SLC26A11: variants seen among roughly 807,000 people sequenced by gnomAD.
SLC26A11 encodes the protein solute carrier family 26 member 11.
Under a neutral mutation model 62.2 loss-of-function variants are expected in SLC26A11, and 58 were observed. The ratio of observed to expected loss-of-function variants is 0.93; its 90% CI spans 0.76 to 1.16. The LOEUF (loss-of-function observed/expected upper bound fraction) is 1.16, where lower values mean the gene tolerates loss of function less well. Ranked by LOEUF, SLC26A11 falls within the 50% of genes most tolerant of loss-of-function variation. The probability of loss-of-function intolerance (pLI) is 0.00; values close to 1 mark genes in which losing one functional copy is unlikely to be tolerated. For missense variants in SLC26A11, 790 were observed against 794.3 expected, an observed-to-expected ratio of 0.99 and a Z score of 0.06; for synonymous variants, 411 against 368.9, an observed-to-expected ratio of 1.11 and a Z score of -1.31.
intron 1 of SLC26A11, 106 bp downstream of exon 1, chr17:80,220,602 C>G: frequency 2.8e-6 from 1 of 352,418 alleles, no homozygotes. Context: ...GCGCGGAGTC[C>G]TGAAGTGCGG....
At chr17:80,226,997 G>A (rs1481268211) in intron 6 of SLC26A11, among the ~76,000 whole-genome samples, 4 of 152,190 alleles carry the variant, frequency 2.6e-5, no homozygotes, top group Non-Finnish European at 4.4e-5. Flanking sequence ...GGCAGGGGTC[G>A]GCCAGATGGG....
chr17:80,233,201 A>T (rs1306761799), intron 7 of SLC26A11, among the ~76,000 whole-genome samples: 4 of 151,556 alleles, frequency 2.6e-5, no homozygotes, highest in Non-Finnish European at 5.9e-5. Context: ...GTGAGCCAAG[A>T]TCCGTCACTG....
At chr17:80,231,516 C>A (rs2144905981) in intron 7 of SLC26A11, among the ~76,000 whole-genome samples, 1 of 152,230 alleles carries the variant, frequency 6.6e-6, no homozygotes, top group Middle Eastern at 3.4e-3. Flanking sequence ...TGAGACCTTT[C>A]TTCTTTTCTA....
At chr17:80,236,458 G>C (rs939962819) in intron 7 of SLC26A11, among the ~76,000 whole-genome samples, 2 of 152,238 alleles carry the variant, frequency 1.3e-5, no homozygotes, top group Non-Finnish European at 2.9e-5. Flanking sequence ...GGCAGCCGGC[G>C]GGGCAGTGAT....
chr17:80,250,414 C>T (rs1481676040), intron 16 of SLC26A11, among the ~76,000 whole-genome samples: 1 of 152,186 alleles, frequency 6.6e-6, no homozygotes, highest in Non-Finnish European at 1.5e-5. Context: ...TGCCCACGGT[C>T]ACACAGGATG....
intron 14 of SLC26A11, 92 bp from the exon 15 acceptor site, chr17:80,248,483 T>TGGGAC: frequency 7.2e-7 from 1 of 1,386,470 alleles, no homozygotes; most frequent in South Asian, 1.3e-5. Flanking sequence ...TGCAGCACAC[T>TGGGAC]AGGTTGGGTG....
intron 9 of SLC26A11, among the ~76,000 whole-genome samples, chr17:80,240,707 G>A (rs1033747403): frequency 5.3e-5 from 8 of 151,848 alleles, no homozygotes; most frequent in Non-Finnish European, 1.2e-4. Flanking sequence ...GGAGGCTAAG[G>A]CAGGAGAATC....
rs2042476380 is a variant in SLC26A11 at position 80,228,500 on chromosome 17, C to T, written c.736+540C>T. Among the ~76,000 whole-genome samples the T allele has an allele frequency of 6.6e-6, 1 of 152,216 alleles. No individual in the cohort carries two copies. The highest frequency in any genetic ancestry group is 2.1e-4 in the South Asian group (1 of 4,830). ...TCTGATGCAGGGTCAGAGCTGAGAA[C>T]TGATGCATGGCCAGCTGTGGCCGTT... On this transcript the variant is annotated intron_variant, in intron 7 of 17. Transcript: ENST00000361193. The surrounding 1 kb of genome is among the most constrained non-coding windows in gnomAD (Gnocchi z 4.1).
At chr17:80,249,919 G>A (rs892739534) in intron 16 of SLC26A11, among the ~76,000 whole-genome samples, 6 of 151,186 alleles carry the variant, frequency 4.0e-5, no homozygotes, top group Non-Finnish European at 7.4e-5. Context: ...ACAAACAAAC[G>A]AAAAAAAACA....
chr17:80,233,142 G>C (rs1283182104), intron 7 of SLC26A11, among the ~76,000 whole-genome samples: 3 of 151,916 alleles, frequency 2.0e-5, no homozygotes, highest in African/African-American at 7.3e-5. Context: ...CCAGCTACTG[G>C]GGAGGCTGAG....
chr17:80,223,434 GC>G lies in SLC26A11; in HGVS notation c.513+99del. 1 of 1,110,972 alleles carries G rather than the reference GC, an allele frequency of 9.0e-7. No homozygotes were observed. 68.8% of individuals were successfully genotyped at this position (1,110,972 alleles called of 1,614,324 possible). A position where few individuals can be genotyped will look rare whatever the true frequency, so the allele number is the denominator to read the frequency against. ...ACTGAGGCCAGTCCTGATCCCTGTG[GC>G]CAGTGGACGTCTTGCTGTTTCAGAT... On this transcript the variant is annotated intron_variant, in intron 5 of 17. Transcript: ENST00000361193. The surrounding 1 kb of genome is among the most constrained non-coding windows in gnomAD (Gnocchi z 4.6).
intron 9 of SLC26A11, among the ~76,000 whole-genome samples, chr17:80,239,391 C>CTTA (rs759343136): frequency 3.8e-5 from 5 of 131,606 alleles, no homozygotes; most frequent in African/African-American, 1.1e-4. Context: ...CCAGTAATTT[C>CTTA]TTTTTTTTTT....
chr17:80,251,188 G>A (rs2043145595), intron 16 of SLC26A11, 141 bp from the exon 17 acceptor site: 2 of 1,534,130 alleles, frequency 1.3e-6, no homozygotes, highest in Middle Eastern at 3.5e-4. Flanking sequence ...CCCTGGGGCT[G>A]CGTTTCTTCT....
chr17:80,222,253 G>A lies in SLC26A11; in HGVS notation c.235-402G>A. 5.2e-6 allele frequency: 1 copy of A among 194,112 alleles called. No individual in the cohort carries two copies. Among genetic ancestry groups the A allele is most frequent in the South Asian group, 1.3e-4 (1 of 7,514 alleles). The allele number at this position is 194,112 out of a possible 1,614,324, so 12.0% of individuals were successfully genotyped here. On this transcript the variant is annotated intron_variant, in intron 3 of 17. Coordinates refer to ENST00000361193, the MANE Select transcript of SLC26A11 (RefSeq NM_001166347.2). The surrounding 1 kb of genome is among the most constrained non-coding windows in gnomAD (Gnocchi z 4.7). ...TAGCCAGGTGTGGTGGCGGGTGCCTGTAGTCCCAGCTACCTGGGAGGCTGA... is the reference window on the plus strand; with the variant it reads ...TAGCCAGGTGTGGTGGCGGGTGCCTATAGTCCCAGCTACCTGGGAGGCTGA...
chr17:80,248,120 C>G lies in SLC26A11; in HGVS notation c.1295-10C>G. On this transcript the variant is annotated splice_polypyrimidine_tract_variant and intron_variant, in intron 13 of 17. Coordinates refer to ENST00000361193, the MANE Select transcript of SLC26A11 (RefSeq NM_001166347.2). Reference sequence around the variant, plus strand: ...CTGCCGGGCATTCCTCAGCTGTGCCCTTCTCCTAGGGCTGGACCTGCTGCC... The same window carrying G: ...CTGCCGGGCATTCCTCAGCTGTGCCGTTCTCCTAGGGCTGGACCTGCTGCC... 6.3e-7 allele frequency: 1 copy of G among 1,598,634 alleles called. No homozygotes were observed. Among genetic ancestry groups the G allele is most frequent in the Non-Finnish European group, 8.5e-7 (1 of 1,178,044 alleles).
chr17:80,249,052 G>A (rs976365708), intron 15 of SLC26A11, 102 bp from the exon 16 acceptor site: 57 of 1,413,092 alleles, frequency 4.0e-5, no homozygotes, highest in Non-Finnish European at 5.3e-5. Context: ...GAGCACTCTG[G>A]CCTCTCTGTC....
intron 5 of SLC26A11, among the ~76,000 whole-genome samples, chr17:80,224,420 AGT>A (rs532356008): frequency 7.0e-4 from 84 of 119,630 alleles, no homozygotes; most frequent in African/African-American, 2.3e-3. Flanking sequence ...AGTGTGAGTG[AGT>A]GAGAGTGGGT....
In SLC26A11 at chr17:80,252,514, C is replaced by T; in HGVS notation, c.1730-111C>T. On this transcript the variant is annotated intron_variant, in intron 17 of 17. Coordinates refer to ENST00000361193, the MANE Select transcript of SLC26A11 (RefSeq NM_001166347.2). This position sits in a 1 kb window ranked among gnomAD's most constrained non-coding sequence, Gnocchi z 5.2. ...TGGCCTGGGTGGCCCACAGCTCCTT[C>T]CTGCACACCTTCCAGGACTCTGGAA... 1 of 950,098 alleles carries T rather than the reference C, an allele frequency of 1.1e-6. No homozygotes were observed. Among genetic ancestry groups the T allele is most frequent in the Non-Finnish European group, 1.6e-6 (1 of 636,968 alleles). The allele number at this position is 950,098 out of a possible 1,614,324, so 58.9% of individuals were successfully genotyped here. A position where few individuals can be genotyped will look rare whatever the true frequency, so the allele number is the denominator to read the frequency against.
chr17:80,251,181 T>A, intron 16 of SLC26A11, 148 bp from the exon 17 acceptor site: 1 of 1,502,832 alleles, frequency 6.7e-7, no homozygotes, highest in Admixed American at 2.0e-5. Context: ...AGCATTCCCC[T>A]GGGGCTGCGT....
Sources: gnomAD v4.1 joint callset for allele counts (sites outside exome capture counted in the v4.1 genomes callset) on GRCh38, gnomAD v4.1.1 for gene constraint, Gnocchi (gnomAD v3.1) non-coding constraint, MANE v1.5 for transcripts, NCBI Gene and HGNC (gene_info 2026-07-23, HGNC 2026-07-21) for gene names.